Variants in HSD17B12 observed in about 807,000 individuals in gnomAD.
HSD17B12 encodes very-long-chain 3-oxoacyl-CoA reductase.
In HSD17B12, 32 loss-of-function variants were observed where a neutral mutation model predicts 39.3. That is an observed-to-expected ratio of 0.81 (90% confidence interval 0.61 to 1.09). The LOEUF is 1.09. Among genes scored for constraint, HSD17B12 ranks in the 50% least tolerant of loss-of-function variants. HSD17B12 has a pLI of 0.00. For synonymous variants in HSD17B12, 150 were observed against 146.7 expected (o/e 1.02, Z -0.16); for missense variants, 342 against 382.9 (o/e 0.89, Z 0.89).
chr11:43,835,137 C>G (rs1436233770), intron 7 of HSD17B12, among the ~76,000 whole-genome samples: 1 of 152,076 alleles, frequency 6.6e-6, no homozygotes, highest in Non-Finnish European at 1.5e-5. Flanking sequence ...GAATTGTTCC[C>G]GAGTCCCCAG....
At chr11:43,758,989 C>G (rs1198993305) in intron 3 of HSD17B12, among the ~76,000 whole-genome samples, 1 of 152,170 alleles carries the variant, frequency 6.6e-6, no homozygotes, top group Non-Finnish European at 1.5e-5. Flanking sequence ...GAAACTAATT[C>G]GTGGATCAGG....
chr11:43,602,849 G>C, the HSD17B12 span, among the ~76,000 whole-genome samples: 1 of 151,880 alleles, frequency 6.6e-6, no homozygotes, highest in Non-Finnish European at 1.5e-5. Flanking sequence ...GGGCCTGAGT[G>C]TCCCCCTGTC....
the HSD17B12 span, among the ~76,000 whole-genome samples, chr11:43,673,659 T>TTTTG: frequency 9.1e-3 from 1,352 of 148,944 alleles, 24 homozygotes; most frequent in African/African-American, 0.032. Context: ...GCCCAGCTAG[T>TTTTG]TTTGTTTGTT....
intron 1 of HSD17B12, 191 bp downstream of exon 1, chr11:43,681,178 T>C (rs1485726987): frequency 6.5e-6 from 9 of 1,390,424 alleles, no homozygotes; most frequent in African/African-American, 5.9e-5. Context: ...CTTGCAGAGT[T>C]TTAAGGTACG....
chr11:43,733,823 T>C, intron 1 of HSD17B12: 1 of 695,412 alleles, frequency 1.4e-6, no homozygotes, highest in Non-Finnish European at 2.6e-6. Flanking sequence ...GCAGGAGGTG[T>C]GGTAAACTCT....
the HSD17B12 span, among the ~76,000 whole-genome samples, chr11:43,593,729 G>T: frequency 6.6e-6 from 1 of 151,798 alleles, no homozygotes; most frequent in African/African-American, 2.4e-5. Context: ...TGATTAAAAG[G>T]TATTGCTAGT....
intron 4 of HSD17B12, among the ~76,000 whole-genome samples, chr11:43,809,452 A>G (rs1951048483): frequency 6.6e-6 from 1 of 152,206 alleles, no homozygotes; most frequent in South Asian, 2.1e-4. Context: ...TGGTATATAC[A>G]CTGTTACTAA....
intron 1 of HSD17B12, among the ~76,000 whole-genome samples, chr11:43,726,473 T>G (rs1950220806): frequency 6.6e-6 from 1 of 152,218 alleles, no homozygotes; most frequent in South Asian, 2.1e-4. Context: ...TCCACAACTC[T>G]GGCAGAAATT....
chr11:43,569,940 A>G, the HSD17B12 span: 1 of 152,500 alleles, frequency 6.6e-6, no homozygotes, highest in African/African-American at 2.4e-5. Flanking sequence ...TCCATCCACC[A>G]CCAACTCAGC....
At chr11:43,626,582 A>G in the HSD17B12 span, among the ~76,000 whole-genome samples, 1 of 151,926 alleles carries the variant, frequency 6.6e-6, no homozygotes, top group Non-Finnish European at 1.5e-5. Flanking sequence ...TGCTAAAACA[A>G]TGGTTTCAGG....
intron 9 of HSD17B12, among the ~76,000 whole-genome samples, chr11:43,845,021 TCTCA>T (rs1170940768): frequency 6.6e-6 from 1 of 152,138 alleles, no homozygotes; most frequent in Non-Finnish European, 1.5e-5. Flanking sequence ...GAAGACAGGT[TCTCA>T]CTCTGTCACC....
At chr11:43,709,659 T>A (rs891819631) in intron 1 of HSD17B12, among the ~76,000 whole-genome samples, 3 of 152,356 alleles carry the variant, frequency 2.0e-5, no homozygotes, top group South Asian at 2.1e-4. Flanking sequence ...TTTAATTTTT[T>A]AAATTTTTTG....
At chr11:43,727,351 G>A (rs1292372039) in intron 1 of HSD17B12, among the ~76,000 whole-genome samples, 2 of 152,170 alleles carry the variant, frequency 1.3e-5, no homozygotes, top group Non-Finnish European at 1.5e-5. Context: ...CTAACTAACC[G>A]AAGGTGGCTG....
chr11:43,577,214 C>A, the HSD17B12 span, among the ~76,000 whole-genome samples: 2 of 152,224 alleles, frequency 1.3e-5, no homozygotes, highest in African/African-American at 4.8e-5. Flanking sequence ...TTCCGTGCGC[C>A]AGGGGGCGGG....
At chr11:43,722,619 G>A (rs1204632057) in intron 1 of HSD17B12, among the ~76,000 whole-genome samples, 1 of 152,110 alleles carries the variant, frequency 6.6e-6, no homozygotes, top group Non-Finnish European at 1.5e-5. Context: ...GGCCGAGATG[G>A]GTGGATCACT....
chr11:43,687,907 T>C (rs1949816737), intron 1 of HSD17B12, among the ~76,000 whole-genome samples: 2 of 152,192 alleles, frequency 1.3e-5, no homozygotes, highest in Admixed American at 1.3e-4. Context: ...TCAGTTAAAA[T>C]TGCCTTTTTT....
At chr11:43,809,812 C>T (rs1024015149) in intron 4 of HSD17B12, among the ~76,000 whole-genome samples, 6 of 152,192 alleles carry the variant, frequency 3.9e-5, no homozygotes, top group Non-Finnish European at 8.8e-5. Context: ...GAGCGAAATT[C>T]TGTCTCAAAA....
At chr11:43,675,393 G>A in the HSD17B12 span, among the ~76,000 whole-genome samples, 1,252 of 152,150 alleles carry the variant, frequency 8.2e-3, 13 homozygotes, top group Non-Finnish European at 0.012. Flanking sequence ...GAGGGAAGTG[G>A]AAGTGTAATA....
At chr11:43,678,911 A>C (rs1053045342), upstream of HSD17B12, among the ~76,000 whole-genome samples, 4 of 152,164 alleles carry the variant, frequency 2.6e-5, no homozygotes, top group Non-Finnish European at 5.9e-5. Context: ...TTGACTTGGC[A>C]ATGCGGGCTC....
Sources: gnomAD v4.1 joint callset for allele counts (sites outside exome capture counted in the v4.1 genomes callset) on GRCh38, gnomAD v4.1.1 for gene constraint, MANE v1.5 for transcripts, NCBI Gene and HGNC (gene_info 2026-07-23, HGNC 2026-07-21) for gene names.